Variants in ANXA8 observed in about 807,000 individuals in gnomAD.
ANXA8 encodes the protein annexin A8.
A neutral mutation model predicts 26.8 loss-of-function variants in ANXA8; 9 were observed. The ratio of observed to expected loss-of-function variants is 0.34; its 90% CI spans 0.20 to 0.59. ANXA8 has a LOEUF of 0.59. Among genes scored for constraint, ANXA8 ranks in the 20% least tolerant of loss-of-function variants. The pLI is 0.84. For synonymous variants in ANXA8, 39 were observed against 94.8 expected (o/e 0.41, Z 3.42); for missense variants, 83 against 238.5 (o/e 0.35, Z 4.29).
chr10:47,544,212 T>A, the ANXA8 span, among the ~76,000 whole-genome samples: 1 of 151,362 alleles, frequency 6.6e-6, no homozygotes, highest in Admixed American at 6.6e-5. Flanking sequence ...ATAATTAATT[T>A]ACTCCCAAAG....
At chr10:47,519,679 T>C in the ANXA8 span, among the ~76,000 whole-genome samples, 1 of 25,286 alleles carries the variant, frequency 4.0e-5, no homozygotes, top group African/African-American at 1.7e-4. Flanking sequence ...GCCTTAGGTA[T>C]CTCTTTATAG....
chr10:47,778,635 T>C, the ANXA8 span, among the ~76,000 whole-genome samples: 3 of 151,818 alleles, frequency 2.0e-5, no homozygotes, highest in African/African-American at 7.3e-5. Flanking sequence ...ATAAATATAA[T>C]TTTATTCTAA....
At chr10:47,702,343 C>CTTTTTT in the ANXA8 span, among the ~76,000 whole-genome samples, 1 of 140,134 alleles carries the variant, frequency 7.1e-6, no homozygotes, top group Non-Finnish European at 1.6e-5. Context: ...CTTTTCTTTT[C>CTTTTTT]TTTTTTTTTT....
At chr10:47,590,749 A>G in the ANXA8 span, among the ~76,000 whole-genome samples, 3 of 143,948 alleles carry the variant, frequency 2.1e-5, 1 homozygote, top group African/African-American at 8.8e-5. Flanking sequence ...TAGACAGAGG[A>G]ACTGAAACCC....
the ANXA8 span, among the ~76,000 whole-genome samples, chr10:47,537,685 A>G: frequency 7.6e-6 from 1 of 130,770 alleles, no homozygotes; most frequent in Non-Finnish European, 1.6e-5. Context: ...TGATGGAAAC[A>G]CAACTGCAGG....
the ANXA8 span, among the ~76,000 whole-genome samples, chr10:47,985,084 ACT>A: frequency 6.7e-6 from 1 of 149,660 alleles, no homozygotes; most frequent in African/African-American, 2.5e-5. Context: ...CTGACAAAGG[ACT>A]CACATTTACA....
At chr10:47,688,246 CACT>C in the ANXA8 span, among the ~76,000 whole-genome samples, 1 of 147,920 alleles carries the variant, frequency 6.8e-6, no homozygotes, top group African/African-American at 2.5e-5. Context: ...GGTGTTCCAC[CACT>C]ATGTCCAGCT....
At chr10:47,946,199 C>A in the ANXA8 span, among the ~76,000 whole-genome samples, 13 of 148,214 alleles carry the variant, frequency 8.8e-5, no homozygotes, top group African/African-American at 3.1e-4. Flanking sequence ...TATTTGAATG[C>A]TATCCATCCT....
intron 1 of ANXA8, among the ~76,000 whole-genome samples, chr10:47,480,872 C>T (rs1839755651): frequency 7.2e-6 from 1 of 139,546 alleles, no homozygotes; most frequent in African/African-American, 2.6e-5. Flanking sequence ...ATCCATCCAT[C>T]CATCCATCCA....
upstream of ANXA8, among the ~76,000 whole-genome samples, chr10:47,485,434 A>C (rs1382489635): frequency 6.6e-6 from 1 of 152,006 alleles, no homozygotes; most frequent in Non-Finnish European, 1.5e-5. Context: ...GAACCAAACC[A>C]GGATATAAGG....
the ANXA8 span, among the ~76,000 whole-genome samples, chr10:47,771,625 T>A: frequency 6.6e-6 from 1 of 151,402 alleles, no homozygotes; most frequent in East Asian, 1.9e-4. Context: ...TTGCCCGGGC[T>A]GGAGTGCAAT....
At chr10:47,563,557 C>A in the ANXA8 span, 9 of 836,400 alleles carry the variant, frequency 1.1e-5, no homozygotes, top group African/African-American at 5.1e-5. Context: ...AAATATATCC[C>A]CTTCTTTCTC....
the ANXA8 span, among the ~76,000 whole-genome samples, chr10:47,671,542 T>A: frequency 6.6e-6 from 1 of 151,988 alleles, no homozygotes; most frequent in African/African-American, 2.4e-5. Flanking sequence ...ATTGAGCTTT[T>A]ATTGGGTACC....
At chr10:47,705,388 T>C in the ANXA8 span, among the ~76,000 whole-genome samples, 4 of 130,786 alleles carry the variant, frequency 3.1e-5, no homozygotes, top group African/African-American at 1.2e-4. Flanking sequence ...CAGCATATCT[T>C]GTAGATGTTG....
At chr10:47,702,532 G>T in the ANXA8 span, among the ~76,000 whole-genome samples, 1 of 151,000 alleles carries the variant, frequency 6.6e-6, no homozygotes, top group Non-Finnish European at 1.5e-5. Context: ...GTAGAGATGG[G>T]GTTTCACCAT....
the ANXA8 span, among the ~76,000 whole-genome samples, chr10:47,499,209 G>A: frequency 4.0e-3 from 492 of 121,822 alleles, no homozygotes; most frequent in East Asian, 0.017. Flanking sequence ...CATCCAAGAT[G>A]GAATTGCTTT....
the ANXA8 span, among the ~76,000 whole-genome samples, chr10:47,952,082 AAT>A: frequency 1.3e-5 from 2 of 150,778 alleles, no homozygotes; most frequent in Admixed American, 6.6e-5. Flanking sequence ...TTTTTAAAAA[AAT>A]AAAATCCTCT....
At chr10:47,658,337 G>A in the ANXA8 span, among the ~76,000 whole-genome samples, 1 of 150,826 alleles carries the variant, frequency 6.6e-6, no homozygotes, top group Middle Eastern at 3.2e-3. Flanking sequence ...AGTGAGCCAA[G>A]ATCGCACCAC....
chr10:47,586,694 AGAGGTGAAG>A, the ANXA8 span, among the ~76,000 whole-genome samples: 1 of 145,942 alleles, frequency 6.9e-6, no homozygotes, highest in African/African-American at 2.8e-5. Flanking sequence ...ATGAGGTGAC[AGAGGTGAAG>A]GAGGGTAAAT....
Sources: gnomAD v4.1 joint callset for allele counts (sites outside exome capture counted in the v4.1 genomes callset) on GRCh38, gnomAD v4.1.1 for gene constraint, MANE v1.5 for transcripts, NCBI Gene and HGNC (gene_info 2026-07-23, HGNC 2026-07-21) for gene names.